The following RARB variants were observed in gnomAD, a reference collection of about 807,000 sequenced individuals.
RARB encodes the protein HBV-activated protein.
RARB carries 17 observed loss-of-function variants against 51.9 expected under a neutral mutation model. That is an observed-to-expected ratio of 0.33 (90% CI 0.22 to 0.49). RARB has a LOEUF of 0.49. RARB is among the 20% of genes least tolerant of loss of function. The pLI, the probability that RARB is intolerant of heterozygous loss-of-function variation, is 0.99. For synonymous variants in RARB, 215 were observed against 195.4 expected (o/e 1.10, Z -0.84); for missense variants, 369 against 550.8 (o/e 0.67, Z 3.30).
At chr3:24,935,054 C>T (rs899491735) in intron 2 of RARB, among the ~76,000 whole-genome samples, 10 of 152,044 alleles carry the variant, frequency 6.6e-5, no homozygotes, top group Admixed American at 1.3e-4. Flanking sequence ...ATTGCATTAA[C>T]GTATGTTTTC....
intron 2 of RARB, among the ~76,000 whole-genome samples, chr3:24,926,084 T>C (rs1362284066): frequency 1.3e-5 from 2 of 152,150 alleles, no homozygotes; most frequent in African/African-American, 4.8e-5. Flanking sequence ...ATAGAAAATA[T>C]GGTCTCTGTC....
intron 5 of RARB, among the ~76,000 whole-genome samples, chr3:25,382,236 CA>C (rs1207454803): frequency 6.6e-6 from 1 of 152,334 alleles, no homozygotes; most frequent in East Asian, 1.9e-4. Flanking sequence ...TAGATTTAAA[CA>C]TGAGTGCTTT....
At chr3:25,258,950 C>T (rs1702932189) in intron 5 of RARB, 4 of 791,778 alleles carry the variant, frequency 5.1e-6, no homozygotes, top group African/African-American at 1.9e-5. Context: ...CTTTCAACAC[C>T]ACCACACTGG....
intron 4 of RARB, among the ~76,000 whole-genome samples, chr3:25,169,527 A>G (rs1409871225): frequency 2.0e-5 from 3 of 152,262 alleles, no homozygotes; most frequent in Admixed American, 1.3e-4. Context: ...TATATCACGT[A>G]ACTCAACTGT....
intron 5 of RARB, among the ~76,000 whole-genome samples, chr3:25,303,827 G>A (rs1379780664): frequency 6.6e-6 from 1 of 152,114 alleles, no homozygotes; most frequent in East Asian, 1.9e-4. Context: ...TGCTTGGTCT[G>A]GGTTTGTTTC....
chr3:24,868,310 C>T (rs1702887901), intron 2 of RARB, among the ~76,000 whole-genome samples: 1 of 152,108 alleles, frequency 6.6e-6, no homozygotes, highest in Non-Finnish European at 1.5e-5. Context: ...CAGAAACACA[C>T]TTGTACAAAT....
intron 3 of RARB, among the ~76,000 whole-genome samples, chr3:25,067,586 T>C (rs1698687348): frequency 6.6e-6 from 1 of 152,242 alleles, no homozygotes; most frequent in Non-Finnish European, 1.5e-5. Flanking sequence ...ATTCCTTATG[T>C]GTATTGACTA....
At chr3:25,123,756 C>G (rs545551285) in intron 3 of RARB, among the ~76,000 whole-genome samples, 130 of 152,278 alleles carry the variant, frequency 8.5e-4, no homozygotes, top group African/African-American at 2.8e-3. Context: ...TAGTCATAGG[C>G]TTAGCGTTTG....
chr3:25,027,559 G>C (rs1050830659), intron 2 of RARB, among the ~76,000 whole-genome samples: 5 of 152,048 alleles, frequency 3.3e-5, no homozygotes, highest in Admixed American at 2.6e-4. Context: ...CATAATTGAG[G>C]TGAGTATCTA....
intron 2 of RARB, among the ~76,000 whole-genome samples, chr3:24,878,358 T>C (rs1426832939): frequency 3.3e-5 from 5 of 149,556 alleles, no homozygotes; most frequent in Admixed American, 2.0e-4. Flanking sequence ...GTTTCCAAGT[T>C]GTGATTTTTT....
chr3:25,366,011 T>A (rs1026930), intron 5 of RARB, among the ~76,000 whole-genome samples: 15,296 of 152,236 alleles, frequency 0.1, 1,040 homozygotes, highest in African/African-American at 0.2. Context: ...ACCACACTTG[T>A]GCAAATATGA....
intron 3 of RARB, among the ~76,000 whole-genome samples, chr3:25,110,383 A>C (rs1699582308): frequency 6.6e-6 from 1 of 152,234 alleles, no homozygotes; most frequent in Admixed American, 6.5e-5. Flanking sequence ...ACAAATGAGG[A>C]AACTCAATCT....
chr3:24,909,151 A>G (rs910234350), intron 2 of RARB, among the ~76,000 whole-genome samples: 3 of 152,168 alleles, frequency 2.0e-5, no homozygotes, highest in African/African-American at 7.2e-5. Context: ...GGTTAAAAGC[A>G]AGTAAGTTGT....
intron 5 of RARB, among the ~76,000 whole-genome samples, chr3:25,351,040 G>A (rs1705553800): frequency 6.6e-6 from 1 of 152,140 alleles, no homozygotes; most frequent in Non-Finnish European, 1.5e-5. Flanking sequence ...CATGAACCTG[G>A]CTTTATCTAA....
intron 5 of RARB, among the ~76,000 whole-genome samples, chr3:25,248,603 C>T (rs771826067): frequency 9.9e-5 from 15 of 152,012 alleles, no homozygotes; most frequent in Non-Finnish European, 2.1e-4. Flanking sequence ...TGTAGGACTC[C>T]CTTAAAGCAT....
At chr3:24,871,688 T>G (rs1337576239) in intron 2 of RARB, among the ~76,000 whole-genome samples, 1 of 152,180 alleles carries the variant, frequency 6.6e-6, no homozygotes, top group Non-Finnish European at 1.5e-5. Context: ...GAATGCCTAG[T>G]ACATATCTCA....
At chr3:24,954,640 A>T (rs1695969656) in intron 2 of RARB, among the ~76,000 whole-genome samples, 1 of 152,178 alleles carries the variant, frequency 6.6e-6, no homozygotes, top group African/African-American at 2.4e-5. Context: ...CATTACAGAA[A>T]GGTGTGAGAG....
At chr3:25,584,955 C>T (rs551116141) in intron 5 of RARB, among the ~76,000 whole-genome samples, 2 of 151,518 alleles carry the variant, frequency 1.3e-5, no homozygotes, top group Non-Finnish European at 2.9e-5. Context: ...CCTCACCCTC[C>T]GCCCCCACCC....
chr3:25,537,743 G>A (rs1213734423), intron 3 of RARB, among the ~76,000 whole-genome samples: 1 of 152,172 alleles, frequency 6.6e-6, no homozygotes, highest in African/African-American at 2.4e-5. Flanking sequence ...GAATCCCTCA[G>A]TTCATAAAGC....
Sources: allele counts gnomAD v4.1 joint callset (sites outside exome capture counted in the v4.1 genomes callset), GRCh38; gene constraint gnomAD v4.1.1; transcripts MANE v1.5; gene names NCBI Gene and HGNC (gene_info 2026-07-23, HGNC 2026-07-21).